Variants in KCNC1 observed in about 807,000 individuals in gnomAD.
KCNC1 encodes voltage-gated potassium channel KCNC1.
In KCNC1, 8 loss-of-function variants were observed where a neutral mutation model predicts 43.4. That is an observed-to-expected ratio of 0.18 (90% CI 0.11 to 0.33). The LOEUF (loss-of-function observed/expected upper bound fraction) is 0.33. Among genes scored for constraint, KCNC1 ranks in the 10% least tolerant of loss-of-function variants. The pLI, the probability that KCNC1 is intolerant of heterozygous loss-of-function variation, is 1.00. For synonymous variants in KCNC1, 361 were observed against 360.5 expected (o/e 1.00, Z -0.01); for missense variants, 420 against 836.0 (o/e 0.50, Z 6.14).
chr11:17,780,236 G>A (rs2133810845), intron 3 of KCNC1: 1 of 152,526 alleles, frequency 6.6e-6, no homozygotes, highest in East Asian at 1.9e-4. Flanking sequence ...AACTTGCCAA[G>A]AGAAGGTGGT....
intron 1 of KCNC1, among the ~76,000 whole-genome samples, chr11:17,744,534 T>TG (rs909190437): frequency 1.3e-5 from 2 of 152,090 alleles, no homozygotes; most frequent in African/African-American, 4.8e-5. Context: ...TCACCTCTTT[T>TG]GGGGGTGCTT....
At position 17,779,733 on chromosome 11, in the gene KCNC1, G is replaced by T; in HGVS notation, c.1693+89G>T. ...GGGCAGGGCGGCGGGCAAGGGCGCT[G>T]AGGGGCAGGCAGGCACACCGAGGGG... On this transcript the variant is annotated intron_variant, in intron 3 of 3. Coordinates refer to ENST00000265969, the MANE Select transcript of KCNC1 (RefSeq NM_001112741.2). The surrounding 1 kb of genome is among the most constrained non-coding windows in gnomAD (Gnocchi z 7.2). The T allele has an allele frequency of 8.9e-7, 1 of 1,125,828 alleles. No homozygotes were observed. The highest frequency in any genetic ancestry group is 3.0e-5 in the East Asian group (1 of 33,192). 69.7% of individuals were successfully genotyped at this position (1,125,828 alleles called of 1,614,324 possible).
At position 17,762,148 on chromosome 11, in the gene KCNC1, G is replaced by C. The variant is rs530926916; in HGVS notation, c.571-9517G>C. On this transcript the variant is annotated intron_variant, in intron 1 of 3. Transcript: ENST00000265969. ...GCAGGACAAGGGCTGGCCATCACTG[G>C]ATATTGGTCACCTGCTGCTGGGCCA... Among the ~76,000 whole-genome samples the C allele has an allele frequency of 7.0e-3, 1,069 of 152,256 alleles. 12 individuals carry two copies. Among genetic ancestry groups the C allele is most frequent in the Non-Finnish European group, 8.4e-3 (568 of 68,008 alleles).
intron 1 of KCNC1, among the ~76,000 whole-genome samples, chr11:17,737,580 A>T (rs1848783057): frequency 6.6e-6 from 1 of 152,038 alleles, no homozygotes; most frequent in Non-Finnish European, 1.5e-5. Context: ...TTGCTGCTGG[A>T]ACATCAGTGA....
rs188471728 is a variant in KCNC1 at position 17,758,368 on chromosome 11, C to G, written c.571-13297C>G. Among the ~76,000 whole-genome samples the G allele has an allele frequency of 2.3e-3, 343 of 152,284 alleles. 1 individual carries two copies. Among genetic ancestry groups the G allele is most frequent in the African/African-American group, 7.9e-3 (330 of 41,546 alleles). Reference sequence around the variant, plus strand: ...GTCTTGAACCCATTAAAGTCATTCACGAGAATTGGAATCAACTCCTTTTGA... The same window carrying G: ...GTCTTGAACCCATTAAAGTCATTCAGGAGAATTGGAATCAACTCCTTTTGA... On this transcript the variant is annotated intron_variant, in intron 1 of 3. Coordinates refer to ENST00000265969, the MANE Select transcript of KCNC1 (RefSeq NM_001112741.2).
chr11:17,739,945 C>T lies in KCNC1; in HGVS notation c.570+3373C>T, dbSNP rs1848819750. Among the ~76,000 whole-genome samples the T allele has an allele frequency of 6.6e-6, 1 of 152,162 alleles. No homozygotes were observed. The highest frequency in any genetic ancestry group is 1.5e-5 in the Non-Finnish European group (1 of 68,034). ...TGAGATTCCAGAGCTGCTTCCTGCC[C>T]ACTGCCTCAGTCTCTGGGACTCCGG... On this transcript the variant is annotated intron_variant, in intron 1 of 3. Transcript: ENST00000265969. This position sits in a 1 kb window ranked among gnomAD's most constrained non-coding sequence, Gnocchi z 4.2.
intron 1 of KCNC1, among the ~76,000 whole-genome samples, chr11:17,765,403 C>T (rs1849136819): frequency 6.6e-6 from 1 of 152,158 alleles, no homozygotes. Flanking sequence ...AGTAAATTGC[C>T]TTTCTGATTT....
chr11:17,760,615 A>T (rs1294240414), intron 1 of KCNC1, among the ~76,000 whole-genome samples: 1 of 152,090 alleles, frequency 6.6e-6, no homozygotes, highest in Non-Finnish European at 1.5e-5. Flanking sequence ...GGCCCTCTGT[A>T]CCTGCTGGTG....
intron 1 of KCNC1, among the ~76,000 whole-genome samples, chr11:17,749,386 C>T (rs1216355837): frequency 1.3e-5 from 2 of 152,232 alleles, no homozygotes; most frequent in African/African-American, 4.8e-5. Context: ...GAATCTAATA[C>T]CTGACAAGCG....
Position 17,736,487 on chromosome 11 carries a change from A to C in KCNC1, c.485A>C (p.Asp162Ala), listed in dbSNP as rs1425801263. The C allele has an allele frequency of 6.3e-7, 1 of 1,596,588 alleles. No individual in the cohort carries two copies. The highest frequency in any genetic ancestry group is 1.3e-5 in the African/African-American group (1 of 74,782). The change falls in exon 1 of 4, where the codon GAT becomes GCT. Residue 162 changes from aspartate to alanine, a missense_variant. By Grantham distance (126) the Asp-to-Ala change is moderately radical. Around this residue, in one of 5 missense-constraint regions of KCNC1, gnomAD observed 151 missense variants for 216.7 expected, o/e 0.70. Coordinates refer to ENST00000265969, the MANE Select transcript of KCNC1 (RefSeq NM_001112741.2). The surrounding 1 kb of genome is among the most constrained non-coding windows in gnomAD (Gnocchi z 9.3). The stretch of plus-strand genomic sequence containing the variant: ...CGCCTGGCGCTCAGTGACTCCCCGG[A>C]TGGCCGGCCTGGCGGCTTTTGGCGC... ...TKRLALSDSPDGRPGGFWRRW... is the reference protein window; with the variant it reads ...TKRLALSDSPAGRPGGFWRRW...
chr11:17,763,250 C>T (rs952531859), intron 1 of KCNC1, among the ~76,000 whole-genome samples: 1 of 151,930 alleles, frequency 6.6e-6, no homozygotes, highest in African/African-American at 2.4e-5. Flanking sequence ...GCAGGGGGCT[C>T]CTGAGCTGGG....
At position 17,781,626 on chromosome 11, in the gene KCNC1, C is replaced by A. The variant is rs116950467; in HGVS notation, c.1694-44C>A. 2 of 1,363,464 alleles carry A rather than the reference C, an allele frequency of 1.5e-6. No homozygotes were observed. Among genetic ancestry groups the A allele is most frequent in the Non-Finnish European group, 2.0e-6 (2 of 977,056 alleles). 84.5% of individuals were successfully genotyped at this position (1,363,464 alleles called of 1,614,324 possible). On this transcript the variant is annotated intron_variant, in intron 3 of 3. Coordinates refer to ENST00000265969, the MANE Select transcript of KCNC1 (RefSeq NM_001112741.2). The surrounding 1 kb of genome is among the most constrained non-coding windows in gnomAD (Gnocchi z 5.1). ...CTAAGTACCAAGCGGGATGGGAGAG[C>A]CAAGAAGAGAAGCTCAAGTGTTAAT...
chr11:17,774,068 C>T, intron 2 of KCNC1: 1 of 985,518 alleles, frequency 1.0e-6, no homozygotes. Flanking sequence ...CGAGCACTAC[C>T]CTCAAGGCCC....
At chr11:17,764,285 ACACT>A (rs144616715) in intron 1 of KCNC1, among the ~76,000 whole-genome samples, 49 of 129,144 alleles carry the variant, frequency 3.8e-4, no homozygotes, top group Non-Finnish European at 5.7e-4. Context: ...TTCCATACAC[ACACT>A]CACACACACC....
chr11:17,753,167 G>A (rs1848987689), intron 1 of KCNC1, among the ~76,000 whole-genome samples: 1 of 152,216 alleles, frequency 6.6e-6, no homozygotes, highest in Admixed American at 6.5e-5. Flanking sequence ...GAAGGTGTCT[G>A]GGCCACCCCT....
Position 17,773,466 on chromosome 11 carries a change from A to T in KCNC1, c.1504+868A>T. The T allele has an allele frequency of 1.0e-6, 1 of 982,706 alleles. No individual in the cohort carries two copies. The highest frequency in any genetic ancestry group is 1.2e-6 in the Non-Finnish European group (1 of 829,544). 60.9% of individuals were successfully genotyped at this position (982,706 alleles called of 1,614,324 possible). On this transcript the variant is annotated intron_variant, in intron 2 of 3. Coordinates refer to ENST00000265969, the MANE Select transcript of KCNC1 (RefSeq NM_001112741.2). The surrounding 1 kb of genome is among the most constrained non-coding windows in gnomAD (Gnocchi z 4.1). ...ACAGACCAGCAACAGCCTCCCACCG[A>T]GGGTTCTCCCCGTTTCCAGCGGTAG...
Position 17,777,740 on chromosome 11 carries a change from C to A in KCNC1, c.1505-1716C>A. On this transcript the variant is annotated intron_variant, in intron 2 of 3. Transcript: ENST00000265969. The surrounding 1 kb of genome is among the most constrained non-coding windows in gnomAD (Gnocchi z 4.3). ...ACGTGAAATGCTTTGCCATCTTGTA[C>A]GAAAGACTTTTTTTTTAAGTTCCAA... 1 of 986,034 alleles carries A rather than the reference C, an allele frequency of 1.0e-6. No individual in the cohort carries two copies. The highest frequency in any genetic ancestry group is 1.2e-6 in the Non-Finnish European group (1 of 829,976). 61.1% of individuals were successfully genotyped at this position (986,034 alleles called of 1,614,324 possible).
chr11:17,749,832 C>T (rs1387086161), intron 1 of KCNC1, among the ~76,000 whole-genome samples: 4 of 152,348 alleles, frequency 2.6e-5, no homozygotes, highest in African/African-American at 4.8e-5. Flanking sequence ...CTTGCCTTTT[C>T]GGGCTCAGCT....
Position 17,739,189 on chromosome 11 carries a change from C to G in KCNC1, c.570+2617C>G, listed in dbSNP as rs1044177494. Among the ~76,000 whole-genome samples, 1 of 152,212 alleles carries G rather than the reference C, an allele frequency of 6.6e-6. No homozygotes were observed. Among genetic ancestry groups the G allele is most frequent in the Non-Finnish European group, 1.5e-5 (1 of 68,042 alleles). On this transcript the variant is annotated intron_variant, in intron 1 of 3. Coordinates refer to ENST00000265969, the MANE Select transcript of KCNC1 (RefSeq NM_001112741.2). This position sits in a 1 kb window ranked among gnomAD's most constrained non-coding sequence, Gnocchi z 4.2. ...ACACGGGGCCCCGAGACTCCTCACA[C>G]CAGCGGGTCGGGACTTAAGTCGTTA...
Sources: allele counts gnomAD v4.1 joint callset (sites outside exome capture counted in the v4.1 genomes callset), GRCh38; gene constraint gnomAD v4.1.1; regional missense constraint gnomAD v4.1.1; non-coding constraint Gnocchi (gnomAD v3.1); transcripts MANE v1.5; gene names NCBI Gene and HGNC (gene_info 2026-07-23, HGNC 2026-07-21).